The following MS4A8 variants were observed in gnomAD, a reference collection of about 807,000 sequenced individuals.
MS4A8 encodes membrane spanning 4-domains A8, also known as membrane-spanning 4-domains subfamily A member 8.
Under a neutral mutation model 23.7 loss-of-function variants are expected in MS4A8, and 27 were observed. That is an observed-to-expected ratio of 1.14 (90% confidence interval 0.84 to 1.57). MS4A8 has a LOEUF of 1.57. Ranked by LOEUF, MS4A8 falls within the 40% of genes most tolerant of loss-of-function variation. MS4A8 has a pLI of 0.00. For missense variants in MS4A8, 301 were observed against 311.4 expected (o/e 0.97, Z 0.25); for synonymous variants, 138 against 126.3 (o/e 1.09, Z -0.62).
intron 5 of MS4A8, 98 bp downstream of exon 5, chr11:60,708,879 C>A: frequency 6.9e-7 from 1 of 1,455,256 alleles, no homozygotes; most frequent in Non-Finnish European, 9.6e-7. Flanking sequence ...CCTCACTGAA[C>A]ATGGTAGGAA....
intron 1 of MS4A8, among the ~76,000 whole-genome samples, chr11:60,700,341 T>C (rs1265503557): frequency 1.3e-5 from 2 of 151,834 alleles, no homozygotes; most frequent in Non-Finnish European, 2.9e-5. Flanking sequence ...AGGTCAGGAG[T>C]TCGAGACCAG....
Position 60,708,785 on chromosome 11 carries a change from A to G in MS4A8, c.534+4A>G. 2 of 1,613,920 alleles carry G rather than the reference A, an allele frequency of 1.2e-6. No individual in the cohort carries two copies. Among genetic ancestry groups the G allele is most frequent in the Non-Finnish European group, 1.7e-6 (2 of 1,179,840 alleles). On this transcript the variant is annotated splice_donor_region_variant and intron_variant, in intron 5 of 6. Coordinates refer to ENST00000300226, the MANE Select transcript of MS4A8 (RefSeq NM_031457.2). ...TTATCCTTACGCCTGGGGTGTGGTG[A>G]GTATCCCTCTCAACCAAAGATCCTC...
intron 4 of MS4A8, among the ~76,000 whole-genome samples, chr11:60,707,446 T>G (rs1386418464): frequency 1.3e-5 from 2 of 151,952 alleles, no homozygotes; most frequent in Non-Finnish European, 2.9e-5. Context: ...AGAAGAGGAC[T>G]CCGGGGAAGC....
chr11:60,715,081 G>T lies in MS4A8; in HGVS notation c.595G>T (p.Ala199Ser). ...CTTCTGCCTCCTGGAGTTTGGCATCGCATGCGCATCTTCCCACTTTGGCTG... is the reference window on the plus strand; with the variant it reads ...CTTCTGCCTCCTGGAGTTTGGCATCTCATGCGCATCTTCCCACTTTGGCTG... ...LVFCLLEFGI[A>S]CASSHFGCQL... is the part of the protein sequence containing the mutation. The change falls in exon 6 of 7, where the codon GCA becomes TCA. Residue 199 changes from alanine to serine, a missense_variant. By Grantham distance (99) the Ala-to-Ser change is moderately conservative. Transcript: ENST00000300226. 2.5e-6 allele frequency: 4 copies of T among 1,614,070 alleles called. No homozygotes were observed. Among genetic ancestry groups the T allele is most frequent in the Non-Finnish European group, 2.5e-6 (3 of 1,180,026 alleles).
rs1324974041 is a variant in MS4A8, at chr11:60,700,885, C to G, written c.25C>G (p.Pro9Ala). Residue 9 changes from proline to alanine, a missense_variant, in exon 2 of 7, where the codon CCG becomes GCG. Pro to Ala is a conservative substitution (Grantham distance 27). Transcript: ENST00000300226. The stretch of plus-strand genomic sequence containing the variant: ...CATGAATTCGATGACTTCAGCAGTT[C>G]CGGTGGCCAATTCTGTGTTGGTGGT... MNSMTSAV[P>A]VANSVLVVAP... 4 of 1,614,040 alleles carry G rather than the reference C, an allele frequency of 2.5e-6. No individual in the cohort carries two copies. In the African/African-American group the frequency reaches 5.3e-5, roughly 22 times the overall value.
chr11:60,703,282 T>C (rs1000606226), intron 2 of MS4A8, 96 bp from the exon 3 acceptor site: 1 of 1,354,436 alleles, frequency 7.4e-7, no homozygotes, highest in Non-Finnish European at 9.7e-7. Context: ...TTTTAGACCA[T>C]GAAAATAAAA....
At chr11:60,714,948 C>T in intron 5 of MS4A8, 73 bp from the exon 6 acceptor site, 1 of 1,034,534 alleles carries the variant, frequency 9.7e-7, no homozygotes, top group South Asian at 1.3e-5. Flanking sequence ...GAGTCCATGG[C>T]AGGGCCCCAG....
At chr11:60,702,898 A>AAT (rs1282255789) in intron 2 of MS4A8, 1 of 152,220 alleles carries the variant, frequency 6.6e-6, no homozygotes, top group African/African-American at 2.4e-5. Context: ...AACACATAAC[A>AAT]ATATCCTAAA....
chr11:60,708,943 T>A, intron 5 of MS4A8, 162 bp downstream of exon 5: 1 of 750,112 alleles, frequency 1.3e-6, no homozygotes, highest in African/African-American at 1.8e-5. Flanking sequence ...CCCATAGCTT[T>A]AAGCACATGA....
chr11:60,708,036 C>T (rs920321069), intron 4 of MS4A8, among the ~76,000 whole-genome samples: 9 of 151,788 alleles, frequency 5.9e-5, no homozygotes, highest in Admixed American at 1.3e-4. Flanking sequence ...TTGGTAGAGA[C>T]GGAGTTTTGC....
chr11:60,700,936 AC>A lies in MS4A8; in HGVS notation c.80del (p.Pro27GlnfsTer19). ...GGCACCCCACAATGGTTATCCTGTG[AC>A]CCCAGGAATTATGTCTCACGTGCCC... ...VVAPHNGYPV[T>X]PGIMSHVPLY... On this transcript the variant is annotated frameshift_variant, in exon 2 of 7. Transcript: ENST00000300226. LOFTEE classifies it high-confidence loss of function. The A allele has an allele frequency of 1.2e-6, 2 of 1,614,158 alleles. No homozygotes were observed. The highest frequency in any genetic ancestry group is 2.2e-5 in the East Asian group (1 of 44,882).
chr11:60,713,447 C>G (rs1370993236), intron 5 of MS4A8, among the ~76,000 whole-genome samples: 1 of 152,104 alleles, frequency 6.6e-6, no homozygotes, highest in Non-Finnish European at 1.5e-5. Context: ...GTCTCTGCAT[C>G]ATAAACAAGG....
chr11:60,704,065 C>T (rs925534216), intron 3 of MS4A8, among the ~76,000 whole-genome samples: 1 of 151,616 alleles, frequency 6.6e-6, no homozygotes, highest in African/African-American at 2.4e-5. Context: ...TAATATCAAG[C>T]TACAACCCCG....
In MS4A8 at chr11:60,713,966, G is replaced by A. The variant is rs371988616; in HGVS notation, c.535-1055G>A. On this transcript the variant is annotated intron_variant, in intron 5 of 6. Transcript: ENST00000300226. ...GGAGTCTCGCTCTGTCGCCCAGGCC[G>A]GACTGCGGACTGCAGTGGCGCAATC... Among the ~76,000 whole-genome samples, 978 of 135,058 alleles carry A rather than the reference G, an allele frequency of 7.2e-3. 68 individuals carry two copies. Among genetic ancestry groups the A allele is most frequent in the African/African-American group, 0.027 (881 of 32,538 alleles). The allele number at this position is 135,058 out of a possible 152,430, so 88.6% of individuals were successfully genotyped here.
At chr11:60,712,253 T>C in intron 5 of MS4A8, 1 of 862,164 alleles carries the variant, frequency 1.2e-6, no homozygotes, top group Non-Finnish European at 1.4e-6. Flanking sequence ...TGCTCTGGGA[T>C]ACCTTTTTGC....
Position 60,707,967 on chromosome 11 carries a change from T to C in MS4A8, c.403-683T>C, listed in dbSNP as rs563420850. The stretch of plus-strand genomic sequence containing the variant: ...GCCTCAGCCTCCCTAGTAGCTGGGA[T>C]TACAGGTGCACACCACCATGCCCAG... On this transcript the variant is annotated intron_variant, in intron 4 of 6. Transcript: ENST00000300226. 3.3e-5 allele frequency among the ~76,000 whole-genome samples: 5 copies of C among 152,018 alleles called. No individual in the cohort carries two copies. In the South Asian group the frequency reaches 1.0e-3, roughly 32 times the overall value.
intron 3 of MS4A8, among the ~76,000 whole-genome samples, chr11:60,704,859 A>AC (rs2088241496): frequency 1.2e-5 from 1 of 82,838 alleles, no homozygotes; most frequent in African/African-American, 4.7e-5. Context: ...CATACAAACA[A>AC]ACACACATAC....
rs764177475 is a variant in MS4A8, at chr11:60,715,365, C to T, written c.704C>T (p.Pro235Leu). ...GCAAACCCAGTGATCACCCCAGAAC[C>T]GGTGACCTCACCACCAAGTTATTCC... ...YAANPVITPE[P>L]VTSPPSYSSE... Residue 235 changes from proline to leucine, a missense_variant, in exon 7 of 7, where the codon CCG (proline) becomes CTG (leucine). Pro to Leu is a moderately conservative substitution (Grantham distance 98). Transcript: ENST00000300226. The T allele has an allele frequency of 1.7e-5, 28 of 1,613,882 alleles. No individual in the cohort carries two copies. Among genetic ancestry groups the T allele is most frequent in the East Asian group, 6.7e-5 (3 of 44,874 alleles).
chr11:60,707,819 T>C (rs1237023426), intron 4 of MS4A8, among the ~76,000 whole-genome samples: 43 of 124,812 alleles, frequency 3.4e-4, no homozygotes, highest in African/African-American at 1.1e-3. Context: ...TTTCTTTTTT[T>C]TTTTTTTTTT....
Sources: allele counts gnomAD v4.1 joint callset (sites outside exome capture counted in the v4.1 genomes callset), GRCh38; gene constraint gnomAD v4.1.1; transcripts MANE v1.5; gene names NCBI Gene and HGNC (gene_info 2026-07-23, HGNC 2026-07-21).